The following BCL6 variants were observed in gnomAD, a reference collection of about 807,000 sequenced individuals.
BCL6 encodes B-cell lymphoma 6 protein.
BCL6 carries 7 observed loss-of-function variants against 59.5 expected under a neutral mutation model. The ratio of observed to expected loss-of-function variants is 0.12; its 90% CI spans 0.07 to 0.22. BCL6 has a LOEUF of 0.22. Among genes scored for constraint, BCL6 ranks in the 10% least tolerant of loss-of-function variants. The pLI is 1.00. For missense variants in BCL6, 685 were observed against 939.4 expected, an observed-to-expected ratio of 0.73 and a Z score of 3.54; for synonymous variants, 339 against 349.7, an observed-to-expected ratio of 0.97 and a Z score of 0.34.
At chr3:187,744,567 T>A in intron 1 of BCL6, among the ~76,000 whole-genome samples, 1 of 152,100 alleles carries the variant, frequency 6.6e-6, no homozygotes, top group African/African-American at 2.4e-5. Context: ...CTCATCTGGA[T>A]TTATGACCAA....
rs756758766 is a variant in BCL6 at position 187,725,641 on chromosome 3, A to G, written c.1709-12T>C. On this transcript the variant is annotated splice_polypyrimidine_tract_variant and intron_variant, in intron 7 of 9. Coordinates refer to ENST00000406870, the MANE Select transcript of BCL6 (RefSeq NM_001706.5). The surrounding 1 kb of genome is among the most constrained non-coding windows in gnomAD (Gnocchi z 4.7). ...ATAGGGTTTCTCACCTATTACCAAG[A>G]AAAAGGGAAAAAGAAAAGCCATATT... 1.9e-5 allele frequency: 30 copies of G among 1,613,742 alleles called. 1 individual carries two copies. In the Admixed American group the frequency reaches 4.2e-4, roughly 22 times the overall value.
At chr3:187,724,535 C>A (rs116460676) in intron 9 of BCL6, 172 of 167,412 alleles carry the variant, frequency 1.0e-3, no homozygotes, top group Non-Finnish European at 1.8e-3. Flanking sequence ...TAAGACTGTT[C>A]CTTCTCAAAC....
chr3:187,736,887 A>C (rs4686905), intron 1 of BCL6: 149,060 of 152,226 alleles, frequency 0.98, 73,057 homozygotes, highest in Middle Eastern at 1. Flanking sequence ...CACCCCCTCA[A>C]GATTGCATCT....
chr3:187,744,435 C>G (rs896961148), intron 1 of BCL6, among the ~76,000 whole-genome samples: 1 of 151,774 alleles, frequency 6.6e-6, no homozygotes, highest in Admixed American at 6.6e-5. Flanking sequence ...GAATAATTTT[C>G]AAAGTGTTCA....
At chr3:187,727,173 G>A (rs7614507) in intron 6 of BCL6, among the ~76,000 whole-genome samples, 145 of 152,310 alleles carry the variant, frequency 9.5e-4, no homozygotes, top group African/African-American at 3.4e-3. Context: ...GAGGGCCTGC[G>A]CCAGTTTGAG....
At chr3:187,730,416 G>T (rs575844885) in intron 4 of BCL6, among the ~76,000 whole-genome samples, 7 of 152,350 alleles carry the variant, frequency 4.6e-5, no homozygotes, top group African/African-American at 1.7e-4. Flanking sequence ...AGGAAAGGTG[G>T]TTATTATTAT....
In BCL6 at chr3:187,725,496, C is replaced by T. The variant is rs775446627; in HGVS notation, c.1839+3G>A. 9 of 1,613,924 alleles carry T rather than the reference C, an allele frequency of 5.6e-6. No homozygotes were observed. Among genetic ancestry groups the T allele is most frequent in the Middle Eastern group, 1.7e-4 (1 of 5,936 alleles). On this transcript the variant is annotated splice_donor_region_variant and intron_variant, in intron 8 of 9. Coordinates refer to ENST00000406870, the MANE Select transcript of BCL6 (RefSeq NM_001706.5). This position sits in a 1 kb window ranked among gnomAD's most constrained non-coding sequence, Gnocchi z 4.7. ...GCTCCGCTCGCCTGCCCACTCTGCT[C>T]ACCTGTACAAATCTGGCTCCGCAGG...
intron 2 of BCL6, chr3:187,734,538 A>G (rs1241182381): frequency 6.6e-6 from 1 of 152,170 alleles, no homozygotes; most frequent in Non-Finnish European, 1.5e-5. Flanking sequence ...TAGGTATCTT[A>G]TTTCATCATC....
chr3:187,728,935 G>A (rs1718869889), intron 5 of BCL6, 115 bp downstream of exon 5: 3 of 1,358,824 alleles, frequency 2.2e-6, no homozygotes, highest in South Asian at 3.3e-5. Flanking sequence ...TCAATCTATA[G>A]GCACTGATTC....
At chr3:187,738,312 GT>G (rs1333054007) in intron 1 of BCL6, among the ~76,000 whole-genome samples, 1 of 152,198 alleles carries the variant, frequency 6.6e-6, no homozygotes, top group Non-Finnish European at 1.5e-5. Flanking sequence ...AAAAGATGGA[GT>G]CCCTAGGGGC....
intron 3 of BCL6, among the ~76,000 whole-genome samples, chr3:187,733,329 C>T (rs530367111): frequency 2.0e-5 from 3 of 152,042 alleles, no homozygotes; most frequent in East Asian, 1.9e-4. Flanking sequence ...CAGAACGTGG[C>T]TCTTTCTTTT....
intron 1 of BCL6, chr3:187,737,166 C>T (rs993617286): frequency 3.3e-5 from 5 of 152,142 alleles, no homozygotes; most frequent in Non-Finnish European, 7.3e-5. Context: ...TCAGTAACCA[C>T]CATGGGAGAG....
intron 1 of BCL6, among the ~76,000 whole-genome samples, chr3:187,744,114 T>C (rs916022273): frequency 6.6e-6 from 1 of 152,156 alleles, no homozygotes; most frequent in African/African-American, 2.4e-5. Flanking sequence ...TTTACAGAGC[T>C]TGCACCATGG....
At chr3:187,734,740 G>A (rs527356410) in intron 2 of BCL6, 129 bp downstream of exon 2, 6 of 152,794 alleles carry the variant, frequency 3.9e-5, no homozygotes, top group African/African-American at 1.4e-4. Flanking sequence ...TAGGAGTGAT[G>A]TAGAGGGAAC....
chr3:187,741,977 A>G (rs1463770104), intron 1 of BCL6, among the ~76,000 whole-genome samples: 6 of 150,744 alleles, frequency 4.0e-5, no homozygotes, highest in African/African-American at 1.5e-4. Context: ...CCCTCCCCCC[A>G]CCAAAAAAAA....
chr3:187,732,806 A>G (rs1166505153), intron 3 of BCL6, among the ~76,000 whole-genome samples: 2 of 152,260 alleles, frequency 1.3e-5, no homozygotes, highest in Non-Finnish European at 2.9e-5. Flanking sequence ...TATTATTTTT[A>G]TATCTCCATA....
rs752300498 is a variant in BCL6, at chr3:187,725,470, C to G, written c.1839+29G>C. 8.1e-7 allele frequency: 1 copy of G among 1,238,824 alleles called. No individual in the cohort carries two copies. Among genetic ancestry groups the G allele is most frequent in the Non-Finnish European group, 1.1e-6 (1 of 904,572 alleles). The allele number at this position is 1,238,824 out of a possible 1,614,324, so 76.7% of individuals were successfully genotyped here. ...CGCCTGCCCGCTCCGCTCGCCTGCCCGCTCCGCTCGCCTGCCCACTCTGCT... is the reference window on the plus strand; with the variant it reads ...CGCCTGCCCGCTCCGCTCGCCTGCCGGCTCCGCTCGCCTGCCCACTCTGCT... On this transcript the variant is annotated intron_variant, in intron 8 of 9. Transcript: ENST00000406870. This position sits in a 1 kb window ranked among gnomAD's most constrained non-coding sequence, Gnocchi z 4.7.
At chr3:187,743,490 C>G (rs2108481912) in intron 1 of BCL6, among the ~76,000 whole-genome samples, 1 of 152,000 alleles carries the variant, frequency 6.6e-6, no homozygotes, top group African/African-American at 2.4e-5. Flanking sequence ...ACCAACACAA[C>G]CATCGTAGAA....
At chr3:187,728,790 C>T (rs1718862822) in intron 5 of BCL6, among the ~76,000 whole-genome samples, 1 of 152,132 alleles carries the variant, frequency 6.6e-6, no homozygotes, top group Non-Finnish European at 1.5e-5. Flanking sequence ...TAGGATGGTC[C>T]CCTGCTACAT....
Sources: gnomAD v4.1 joint callset for allele counts (sites outside exome capture counted in the v4.1 genomes callset) on GRCh38, gnomAD v4.1.1 for gene constraint, Gnocchi (gnomAD v3.1) non-coding constraint, MANE v1.5 for transcripts, NCBI Gene and HGNC (gene_info 2026-07-23, HGNC 2026-07-21) for gene names.